ANKRD11: variants seen among roughly 807,000 people sequenced by gnomAD.
ANKRD11 encodes the protein ankyrin repeat domain-containing protein 11.
ANKRD11 carries 17 observed loss-of-function variants against 195.7 expected under a neutral mutation model. The ratio of observed to expected loss-of-function variants is 0.09; its 90% CI spans 0.06 to 0.13. The LOEUF is 0.13. Ranked by LOEUF, ANKRD11 falls within the 10% of genes least tolerant of loss-of-function variation. The pLI, the probability that ANKRD11 is intolerant of heterozygous loss-of-function variation, is 1.00. For synonymous variants in ANKRD11, 1,953 were observed against 1,528.1 expected, an observed-to-expected ratio of 1.28 and a Z score of -6.49; for missense variants, 3,735 against 3,566.1, an observed-to-expected ratio of 1.05 and a Z score of -1.21.
intron 2 of ANKRD11, among the ~76,000 whole-genome samples, chr16:89,390,207 A>T (rs2152122416): frequency 8.2e-6 from 1 of 121,250 alleles, no homozygotes; most frequent in East Asian, 2.6e-4. Flanking sequence ...ACTGGGGCGA[A>T]CACCGAGTGT....
intron 1 of ANKRD11, among the ~76,000 whole-genome samples, chr16:89,419,168 A>G (rs2042415227): frequency 6.6e-6 from 1 of 152,160 alleles, no homozygotes; most frequent in African/African-American, 2.4e-5. Flanking sequence ...AAAGCTGAAT[A>G]AAGCCATGCA....
At chr16:89,286,296 C>T in intron 7 of ANKRD11, 110 bp from the exon 8 acceptor site, 1 of 1,471,708 alleles carries the variant, frequency 6.8e-7, no homozygotes. Flanking sequence ...GACCCGAGAG[C>T]AGCCCCTCAC....
intron 2 of ANKRD11, among the ~76,000 whole-genome samples, chr16:89,398,933 C>CA (rs1321047456): frequency 6.6e-6 from 1 of 152,156 alleles, no homozygotes; most frequent in Non-Finnish European, 1.5e-5. Flanking sequence ...AGTCTCTGGA[C>CA]AAGGCCTCAA....
intron 6 of ANKRD11, chr16:89,289,040 T>G (rs976771472): frequency 3.1e-6 from 1 of 325,932 alleles, no homozygotes; most frequent in East Asian, 7.8e-5. Context: ...AGGGGAAACC[T>G]CCCGTGTCGG....
At chr16:89,278,352 CAG>C (rs767330043) in intron 9 of ANKRD11, 5 of 360,528 alleles carry the variant, frequency 1.4e-5, no homozygotes, top group South Asian at 4.1e-5. Flanking sequence ...CGGCCCAGGG[CAG>C]AGAGTGCACA....
chr16:89,430,789 G>A (rs2042944971), intron 1 of ANKRD11, among the ~76,000 whole-genome samples: 1 of 152,156 alleles, frequency 6.6e-6, no homozygotes, highest in African/African-American at 2.4e-5. Context: ...TCACCAAAAT[G>A]AATTGTTTCT....
chr16:89,309,951 C>A (rs1181789697), intron 3 of ANKRD11, among the ~76,000 whole-genome samples: 1 of 152,226 alleles, frequency 6.6e-6, no homozygotes, highest in Non-Finnish European at 1.5e-5. Flanking sequence ...CCTTATGACA[C>A]GAGGTAGGCT....
chr16:89,292,983 C>T (rs994787152), intron 4 of ANKRD11, among the ~76,000 whole-genome samples: 10 of 152,184 alleles, frequency 6.6e-5, no homozygotes, highest in African/African-American at 1.2e-4. Flanking sequence ...AGGAAAGAGG[C>T]GACGAAGCTG....
At chr16:89,382,412 G>A (rs139832100) in intron 2 of ANKRD11, among the ~76,000 whole-genome samples, 47 of 152,056 alleles carry the variant, frequency 3.1e-4, no homozygotes, top group South Asian at 1.2e-3. Context: ...TGCCACCTCC[G>A]CCTCCCAGGT....
chr16:89,294,789 C>A (rs960348169), intron 4 of ANKRD11, among the ~76,000 whole-genome samples: 1 of 152,208 alleles, frequency 6.6e-6, no homozygotes, highest in Non-Finnish European at 1.5e-5. Flanking sequence ...GCCCCTCCTA[C>A]CCCAGGCCTG....
At chr16:89,289,288 A>G (rs2034869853) in intron 6 of ANKRD11, among the ~76,000 whole-genome samples, 1 of 151,162 alleles carries the variant, frequency 6.6e-6, no homozygotes, top group Non-Finnish European at 1.5e-5. Flanking sequence ...AAATGCTTTA[A>G]AAAAAAAAGG....
chr16:89,488,640 C>T (rs2152384844), intron 1 of ANKRD11, among the ~76,000 whole-genome samples: 1 of 152,228 alleles, frequency 6.6e-6, no homozygotes, highest in South Asian at 2.1e-4. Flanking sequence ...CTGCACACAA[C>T]AAAAACAGTA....
chr16:89,374,537 C>T (rs917974354), intron 2 of ANKRD11, among the ~76,000 whole-genome samples: 25 of 152,296 alleles, frequency 1.6e-4, no homozygotes, highest in African/African-American at 6.0e-4. Context: ...TGGCCTCTGC[C>T]GGCCGCTGTG....
chr16:89,342,424 G>A (rs1381155449), intron 2 of ANKRD11, among the ~76,000 whole-genome samples: 2 of 152,228 alleles, frequency 1.3e-5, no homozygotes, highest in Non-Finnish European at 2.9e-5. Flanking sequence ...GGATAAACCA[G>A]CAATACTCTG....
At chr16:89,433,487 G>A (rs544314074) in intron 1 of ANKRD11, among the ~76,000 whole-genome samples, 8 of 152,188 alleles carry the variant, frequency 5.3e-5, no homozygotes, top group Non-Finnish European at 1.2e-4. Context: ...GAGACACGGC[G>A]TTGGCCACCA....
chr16:89,396,357 C>T (rs1410711695), intron 2 of ANKRD11, among the ~76,000 whole-genome samples: 2 of 152,172 alleles, frequency 1.3e-5, no homozygotes, highest in African/African-American at 4.8e-5. Flanking sequence ...CACACTCCCA[C>T]ACACACGCGA....
At position 89,283,837 on chromosome 16, in the gene ANKRD11, T is replaced by G; in HGVS notation, c.2705A>C (p.Glu902Ala). ...SRAREKRDYR[E>A]PFFRKKDRDY... Reference sequence around the variant, plus strand: ...CCTGTCCTTCTTTCGGAAGAAGGGCTCTCTGTAGTCTCGCTTCTCCCGGGC... The same window carrying G: ...CCTGTCCTTCTTTCGGAAGAAGGGCGCTCTGTAGTCTCGCTTCTCCCGGGC... The change falls in exon 9 of 13, where the codon GAG (glutamate) becomes GCG (alanine). Residue 902 changes from glutamate to alanine, a missense_variant. Coordinates refer to ENST00000301030, the MANE Select transcript of ANKRD11 (RefSeq NM_013275.6). This position sits in a 1 kb window ranked among gnomAD's most constrained non-coding sequence, Gnocchi z 4.3. 1.2e-6 allele frequency: 2 copies of G among 1,614,140 alleles called. No homozygotes were observed. Among genetic ancestry groups the G allele is most frequent in the Non-Finnish European group, 1.7e-6 (2 of 1,180,036 alleles).
Position 89,282,007 on chromosome 16 carries a change from C to T in ANKRD11, c.4535G>A (p.Arg1512His), listed in dbSNP as rs780686131. ...PATRDKDSPP[R>H]VLKDKSRDEG... The stretch of plus-strand genomic sequence containing the variant: ...GTCCCTGGACTTGTCTTTGAGCACG[C>T]GGGGCGGGCTGTCCTTGTCCCTGGT... The change falls in exon 9 of 13, where the codon CGC becomes CAC. Residue 1512 changes from arginine (R) to histidine (H), a missense_variant. By Grantham distance (29) the Arg-to-His change is conservative. Transcript: ENST00000301030. 48 of 1,613,212 alleles carry T rather than the reference C, an allele frequency of 3.0e-5. No individual in the cohort carries two copies. The highest frequency in any genetic ancestry group is 7.7e-5 in the South Asian group (7 of 91,080).
chr16:89,285,697 C>G lies in ANKRD11; in HGVS notation c.893-48G>C, dbSNP rs552418684. 6.3e-7 allele frequency: 1 copy of G among 1,597,484 alleles called. No homozygotes were observed. Among genetic ancestry groups the G allele is most frequent in the South Asian group, 1.1e-5 (1 of 90,646 alleles). ...GGTCACAGGCAGGCTCAAAACAGCTCTCCCCAGAATGGCAGAGGAGGGAGG... is the reference window on the plus strand; with the variant it reads ...GGTCACAGGCAGGCTCAAAACAGCTGTCCCCAGAATGGCAGAGGAGGGAGG... On this transcript the variant is annotated intron_variant, in intron 8 of 12. Coordinates refer to ENST00000301030, the MANE Select transcript of ANKRD11 (RefSeq NM_013275.6). This position sits in a 1 kb window ranked among gnomAD's most constrained non-coding sequence, Gnocchi z 5.6.
Sources: gnomAD v4.1 joint callset for allele counts (sites outside exome capture counted in the v4.1 genomes callset) on GRCh38, gnomAD v4.1.1 for gene constraint, Gnocchi (gnomAD v3.1) non-coding constraint, MANE v1.5 for transcripts, NCBI Gene and HGNC (gene_info 2026-07-23, HGNC 2026-07-21) for gene names.